VMP1: variants seen among roughly 807,000 people sequenced by gnomAD.
VMP1 encodes the protein ectopic P-granules autophagy protein 3 homolog.
VMP1 carries 11 observed loss-of-function variants against 56.0 expected under a neutral mutation model. That is an observed-to-expected ratio of 0.20 (90% CI 0.12 to 0.32). VMP1 has a LOEUF of 0.32. VMP1 is among the 10% of genes least tolerant of loss of function. VMP1 has a pLI of 1.00. For missense variants in VMP1, 296 were observed against 490.3 expected, an observed-to-expected ratio of 0.60 and a Z score of 3.74; for synonymous variants, 149 against 165.0, an observed-to-expected ratio of 0.90 and a Z score of 0.74.
intron 7 of VMP1, among the ~76,000 whole-genome samples, chr17:59,794,605 G>A (rs1012136198): frequency 2.3e-5 from 3 of 128,984 alleles, no homozygotes; most frequent in Non-Finnish European, 4.7e-5. Flanking sequence ...GCAGATACTG[G>A]CCAATCTTAA....
intron 7 of VMP1, among the ~76,000 whole-genome samples, chr17:59,786,391 A>T (rs376544009): frequency 7.2e-5 from 11 of 152,218 alleles, no homozygotes; most frequent in Non-Finnish European, 1.5e-4. Flanking sequence ...GTGCGGTTGC[A>T]GTTGCCTACA....
chr17:59,778,292 G>A (rs948371754), intron 7 of VMP1, among the ~76,000 whole-genome samples: 2 of 152,160 alleles, frequency 1.3e-5, no homozygotes, highest in Admixed American at 6.6e-5. Flanking sequence ...TGTAATCCCA[G>A]CACTTTGGGA....
At chr17:59,712,051 G>A (rs1295730857) in intron 1 of VMP1, among the ~76,000 whole-genome samples, 1 of 152,066 alleles carries the variant, frequency 6.6e-6, no homozygotes. Context: ...GTTTCCTCCT[G>A]GACAATGAAG....
At chr17:59,783,134 A>T (rs769304801) in intron 7 of VMP1, among the ~76,000 whole-genome samples, 5 of 152,136 alleles carry the variant, frequency 3.3e-5, no homozygotes, top group Non-Finnish European at 5.9e-5. Context: ...AGGTGGAGCT[A>T]GCAGTGAGTC....
intron 6 of VMP1, among the ~76,000 whole-genome samples, chr17:59,770,529 A>C (rs1375115369): frequency 6.6e-6 from 1 of 152,070 alleles, no homozygotes; most frequent in East Asian, 1.9e-4. Context: ...AAACTGTAGT[A>C]GTCTCTTAAA....
chr17:59,737,193 A>G (rs1291708828), intron 3 of VMP1, among the ~76,000 whole-genome samples: 2 of 152,150 alleles, frequency 1.3e-5, no homozygotes, highest in Non-Finnish European at 2.9e-5. Flanking sequence ...GCTTCTCCAT[A>G]TTATAAGTTG....
At chr17:59,763,714 A>G (rs2036138572) in intron 5 of VMP1, among the ~76,000 whole-genome samples, 1 of 152,204 alleles carries the variant, frequency 6.6e-6, no homozygotes, top group Non-Finnish European at 1.5e-5. Context: ...TCTTTCATCA[A>G]GTGATCTTAA....
intron 7 of VMP1, among the ~76,000 whole-genome samples, chr17:59,797,262 C>T (rs547688889): frequency 1.6e-4 from 24 of 149,020 alleles, no homozygotes; most frequent in East Asian, 1.2e-3. Flanking sequence ...TGATTGAACC[C>T]GGGAGCAGAG....
intron 7 of VMP1, among the ~76,000 whole-genome samples, chr17:59,804,059 AATAT>A (rs1308604578): frequency 3.3e-5 from 5 of 151,958 alleles, no homozygotes; most frequent in Non-Finnish European, 7.4e-5. Flanking sequence ...GGCAAATGAG[AATAT>A]ATATATTTTA....
chr17:59,780,113 T>G lies in VMP1; in HGVS notation c.714+6228T>G, dbSNP rs144576844. Among the ~76,000 whole-genome samples, 697 of 152,344 alleles carry G rather than the reference T, an allele frequency of 4.6e-3. 14 individuals carry two copies. The South Asian group carries it at 0.05, about 11-fold the overall frequency. ...TTTCTTTGAGTCGTGGAAACCAGAA[T>G]GCACACAATACTTCTGTTGGTTATG... is the stretch of plus-strand genomic sequence containing the variant. On this transcript the variant is annotated intron_variant, in intron 7 of 11. Coordinates refer to ENST00000262291, the MANE Select transcript of VMP1 (RefSeq NM_030938.5).
chr17:59,817,226 A>C (rs1210387257), intron 9 of VMP1, among the ~76,000 whole-genome samples: 1 of 104,760 alleles, frequency 9.5e-6, no homozygotes, highest in Non-Finnish European at 1.8e-5. Flanking sequence ...GTGAGTTGAG[A>C]TCACGCCATG....
At position 59,819,036 on chromosome 17, in the gene VMP1, G is replaced by A. The variant is rs191947721; in HGVS notation, c.974+1263G>A. Among the ~76,000 whole-genome samples the A allele has an allele frequency of 3.7e-3, 564 of 152,048 alleles. 3 individuals carry two copies. Among genetic ancestry groups the A allele is most frequent in the Non-Finnish European group, 5.7e-3 (387 of 67,990 alleles). On this transcript the variant is annotated intron_variant, in intron 10 of 11. Transcript: ENST00000262291. ...ATATGTTCATTCTTTTCTATGTATT[G>A]TAATAAAATAGTTTTTAATATTTGC...
intron 10 of VMP1, among the ~76,000 whole-genome samples, chr17:59,818,599 C>T (rs185214551): frequency 6.6e-6 from 1 of 151,854 alleles, no homozygotes; most frequent in African/African-American, 2.4e-5. Flanking sequence ...GGAGAAATCC[C>T]ATCTCTACTA....
At chr17:59,719,506 G>A (rs2034310833) in intron 1 of VMP1, among the ~76,000 whole-genome samples, 1 of 151,710 alleles carries the variant, frequency 6.6e-6, no homozygotes, top group Non-Finnish European at 1.5e-5. Flanking sequence ...TTTAAAGAAA[G>A]TATGTTCGTT....
At chr17:59,776,761 C>G (rs759043839) in intron 7 of VMP1, among the ~76,000 whole-genome samples, 6 of 152,136 alleles carry the variant, frequency 3.9e-5, no homozygotes, top group Non-Finnish European at 8.8e-5. Flanking sequence ...TTTAACATCT[C>G]TAAAATTCTT....
intron 7 of VMP1, among the ~76,000 whole-genome samples, chr17:59,805,931 C>T (rs968819959): frequency 6.6e-6 from 1 of 151,944 alleles, no homozygotes; most frequent in Non-Finnish European, 1.5e-5. Context: ...ATACAATCTT[C>T]CCTCTCTTAA....
chr17:59,835,244 T>C (rs891116530), intron 10 of VMP1, among the ~76,000 whole-genome samples: 1 of 151,690 alleles, frequency 6.6e-6, no homozygotes, highest in African/African-American at 2.4e-5. Flanking sequence ...TTCTTCGGCC[T>C]CAGCCTCCCG....
intron 5 of VMP1, among the ~76,000 whole-genome samples, chr17:59,757,611 C>G (rs954600267): frequency 2.6e-5 from 4 of 152,094 alleles, no homozygotes; most frequent in Non-Finnish European, 5.9e-5. Flanking sequence ...ATAGTTTGCT[C>G]TCACCCAGAC....
intron 7 of VMP1, among the ~76,000 whole-genome samples, chr17:59,798,147 A>G (rs923434625): frequency 1.3e-5 from 2 of 152,166 alleles, no homozygotes; most frequent in Non-Finnish European, 2.9e-5. Context: ...TTAAAAAACT[A>G]CTCATACTGT....
Sources: allele counts gnomAD v4.1 joint callset (sites outside exome capture counted in the v4.1 genomes callset), GRCh38; gene constraint gnomAD v4.1.1; transcripts MANE v1.5; gene names NCBI Gene and HGNC (gene_info 2026-07-23, HGNC 2026-07-21).